Variants in GALNTL6 observed in about 807,000 individuals in gnomAD.
The protein encoded by GALNTL6 is polypeptide N-acetylgalactosaminyltransferase-like 6.
In GALNTL6, 46 loss-of-function variants were observed where a neutral mutation model predicts 73.7. That is an observed-to-expected ratio of 0.62 (90% CI 0.49 to 0.80). GALNTL6 has a LOEUF of 0.80. GALNTL6 is among the 30% of genes least tolerant of loss of function. The pLI, the probability that GALNTL6 is intolerant of heterozygous loss-of-function variation, is 0.00. For synonymous variants in GALNTL6, 259 were observed against 263.7 expected (o/e 0.98, Z 0.17); for missense variants, 604 against 755.0 (o/e 0.80, Z 2.34).
chr4:173,026,058 C>T (rs968989066), intron 12 of GALNTL6, among the ~76,000 whole-genome samples: 5 of 152,200 alleles, frequency 3.3e-5, no homozygotes, highest in Non-Finnish European at 1.5e-5. Flanking sequence ...TGAGCGCTAT[C>T]TCCCATGCCC....
At chr4:172,612,042 A>T (rs1478406702) in intron 5 of GALNTL6, among the ~76,000 whole-genome samples, 1 of 152,074 alleles carries the variant, frequency 6.6e-6, no homozygotes, top group Admixed American at 6.6e-5. Context: ...TTTTTGAAAA[A>T]GTAGGAGGAA....
At chr4:172,009,862 C>G (rs1740952510) in intron 2 of GALNTL6, among the ~76,000 whole-genome samples, 1 of 152,040 alleles carries the variant, frequency 6.6e-6, no homozygotes, top group Non-Finnish European at 1.5e-5. Context: ...TCCTTGCAGC[C>G]TGGGCAACTT....
intron 5 of GALNTL6, among the ~76,000 whole-genome samples, chr4:172,636,374 C>G (rs1356740587): frequency 6.6e-6 from 1 of 152,186 alleles, no homozygotes; most frequent in African/African-American, 2.4e-5. Flanking sequence ...TCCTAATTCC[C>G]AGACCTCCAA....
chr4:172,175,714 T>G (rs1174705190), intron 2 of GALNTL6, among the ~76,000 whole-genome samples: 2 of 152,130 alleles, frequency 1.3e-5, no homozygotes, highest in Non-Finnish European at 2.9e-5. Flanking sequence ...TTTCAGTGGT[T>G]ATACATTTTA....
At chr4:172,610,782 A>G (rs969429806) in intron 5 of GALNTL6, among the ~76,000 whole-genome samples, 3 of 151,924 alleles carry the variant, frequency 2.0e-5, no homozygotes, top group Non-Finnish European at 2.9e-5. Context: ...ACTGTCAATG[A>G]GGTGGTGAAG....
intron 2 of GALNTL6, among the ~76,000 whole-genome samples, chr4:171,893,611 T>C (rs1736821448): frequency 6.6e-6 from 1 of 152,174 alleles, no homozygotes; most frequent in South Asian, 2.1e-4. Context: ...TATTATTGAA[T>C]ATTAGACATG....
In GALNTL6 at chr4:172,011,867, T is replaced by C. The variant is rs550336080; in HGVS notation, c.138+197149T>C. 3.3e-5 allele frequency among the ~76,000 whole-genome samples: 5 copies of C among 152,142 alleles called. No homozygotes were observed. The South Asian group carries it at 1.0e-3, about 32-fold the overall frequency. Reference sequence around the variant, plus strand: ...ACAGAGAAAGTATCAAGAATAGAGATAAATTTGCACTTTAAAGAATAAATG... The same window carrying C: ...ACAGAGAAAGTATCAAGAATAGAGACAAATTTGCACTTTAAAGAATAAATG... On this transcript the variant is annotated intron_variant, in intron 2 of 12. Coordinates refer to ENST00000506823, the MANE Select transcript of GALNTL6 (RefSeq NM_001034845.3).
chr4:172,466,590 A>AGTAAAAAACAC (rs1732829066), intron 5 of GALNTL6, among the ~76,000 whole-genome samples: 1 of 152,204 alleles, frequency 6.6e-6, no homozygotes, highest in South Asian at 2.1e-4. Flanking sequence ...TTTTCTTAGA[A>AGTAAAAAACAC]GTAAAAAACA....
At chr4:172,695,954 A>G (rs144322490) in intron 5 of GALNTL6, among the ~76,000 whole-genome samples, 2,073 of 150,650 alleles carry the variant, frequency 0.014, 107 homozygotes, top group Admixed American at 0.094. Flanking sequence ...CTCTGTCTCA[A>G]AAAAAAAAAG....
intron 2 of GALNTL6, among the ~76,000 whole-genome samples, chr4:171,877,943 G>A (rs2110906216): frequency 6.6e-6 from 1 of 152,276 alleles, no homozygotes; most frequent in Admixed American, 6.5e-5. Flanking sequence ...GTTGCAAAAT[G>A]AAACACTCAA....
At chr4:171,999,179 A>G (rs1022215142) in intron 2 of GALNTL6, among the ~76,000 whole-genome samples, 10 of 152,154 alleles carry the variant, frequency 6.6e-5, no homozygotes, top group African/African-American at 2.4e-4. Context: ...AGGTATTGTG[A>G]TGAACTTTGA....
chr4:172,803,170 C>G (rs1428254184), intron 5 of GALNTL6, among the ~76,000 whole-genome samples: 1 of 152,192 alleles, frequency 6.6e-6, no homozygotes, highest in Non-Finnish European at 1.5e-5. Flanking sequence ...GTTCTGAGAA[C>G]AGTTATACCT....
At chr4:172,379,944 A>ATG in intron 5 of GALNTL6, 6 of 679,196 alleles carry the variant, frequency 8.8e-6, no homozygotes, top group Middle Eastern at 8.0e-4. Flanking sequence ...AGTGTTTCTA[A>ATG]GACCTTGTCC....
intron 2 of GALNTL6, among the ~76,000 whole-genome samples, chr4:172,056,599 GA>G (rs1359751211): frequency 6.6e-6 from 1 of 151,900 alleles, no homozygotes; most frequent in Non-Finnish European, 1.5e-5. Flanking sequence ...AGTCTCTTGT[GA>G]AACTGCTAAA....
chr4:172,580,810 G>A (rs777279445), intron 5 of GALNTL6, among the ~76,000 whole-genome samples: 5 of 152,160 alleles, frequency 3.3e-5, no homozygotes, highest in Admixed American at 1.3e-4. Flanking sequence ...ACGGAGTTTC[G>A]CTCTTTTTGC....
intron 2 of GALNTL6, among the ~76,000 whole-genome samples, chr4:172,228,717 A>G (rs1285703338): frequency 6.6e-6 from 1 of 152,218 alleles, no homozygotes; most frequent in African/African-American, 2.4e-5. Context: ...AAGAAAAAAT[A>G]GCATGTGAAT....
intron 3 of GALNTL6, among the ~76,000 whole-genome samples, chr4:172,236,057 C>T (rs982314359): frequency 3.9e-5 from 6 of 152,102 alleles, no homozygotes; most frequent in African/African-American, 1.4e-4. Flanking sequence ...TAATTTCAGT[C>T]ATTTTTCTAT....
intron 2 of GALNTL6, among the ~76,000 whole-genome samples, chr4:171,972,906 C>A (rs555251154): frequency 2.6e-5 from 4 of 152,096 alleles, no homozygotes; most frequent in Admixed American, 6.6e-5. Context: ...CTAAATACAA[C>A]AGAATAATAG....
At chr4:172,117,698 C>T (rs951809493) in intron 2 of GALNTL6, among the ~76,000 whole-genome samples, 1 of 151,996 alleles carries the variant, frequency 6.6e-6, no homozygotes, top group Non-Finnish European at 1.5e-5. Context: ...GTGGCCTATT[C>T]GTGCACTAGA....
Sources: allele counts gnomAD v4.1 joint callset (sites outside exome capture counted in the v4.1 genomes callset), GRCh38; gene constraint gnomAD v4.1.1; transcripts MANE v1.5; gene names NCBI Gene and HGNC (gene_info 2026-07-23, HGNC 2026-07-21).